The following GSN variants were observed in gnomAD, a reference collection of about 807,000 sequenced individuals.
GSN encodes gelsolin, also known as actin-depolymerizing factor.
In GSN, 56 loss-of-function variants were observed where a neutral mutation model predicts 85.7. The observed-to-expected ratio is 0.65, with a 90% CI of 0.53 to 0.82. The LOEUF (loss-of-function observed/expected upper bound fraction) is 0.82. Ranked by LOEUF, GSN falls within the 40% of genes least tolerant of loss-of-function variation. The pLI is 0.00. For synonymous variants in GSN, 373 were observed against 399.1 expected (o/e 0.93, Z 0.78); for missense variants, 857 against 979.8 (o/e 0.87, Z 1.67).
At chr9:121,313,864 G>C (rs1425614529) in intron 6 of GSN, 70 bp from the exon 7 acceptor site, 3 of 1,214,174 alleles carry the variant, frequency 2.5e-6, no homozygotes, top group Non-Finnish European at 3.7e-6. Flanking sequence ...TTGCCTGCCT[G>C]GGAGCTATCT....
chr9:121,231,860 A>G (rs2054395586), intron 5 of GSN, among the ~76,000 whole-genome samples: 1 of 152,136 alleles, frequency 6.6e-6, no homozygotes, highest in Non-Finnish European at 1.5e-5. Flanking sequence ...CGGTCTCAGG[A>G]GTTTGAGACC....
chr9:121,283,152 A>G (rs1450370679), intron 2 of GSN: 1 of 166,778 alleles, frequency 6.0e-6, no homozygotes, highest in Admixed American at 6.6e-5. Context: ...CTTTTTAGTT[A>G]GGGCCCTGTT....
intron 4 of GSN, among the ~76,000 whole-genome samples, chr9:121,303,625 C>T (rs372449798): frequency 6.6e-6 from 1 of 152,056 alleles, no homozygotes; most frequent in Non-Finnish European, 1.5e-5. Flanking sequence ...GAGGCTGCAC[C>T]CTAATATGCT....
At chr9:121,255,738 G>A (rs779421147) in intron 6 of GSN, among the ~76,000 whole-genome samples, 4 of 152,026 alleles carry the variant, frequency 2.6e-5, no homozygotes, top group African/African-American at 4.8e-5. Context: ...TTCTTTTGGT[G>A]AACCTTTAGG....
intron 1 of GSN, among the ~76,000 whole-genome samples, chr9:121,276,186 G>A (rs925620118): frequency 6.6e-6 from 1 of 152,216 alleles, no homozygotes; most frequent in African/African-American, 2.4e-5. Flanking sequence ...TATTTATAAA[G>A]AGCCTGATTA....
intron 5 of GSN, among the ~76,000 whole-genome samples, chr9:121,232,128 T>A (rs915172398): frequency 6.6e-6 from 1 of 152,162 alleles, no homozygotes; most frequent in Non-Finnish European, 1.5e-5. Context: ...GAGGAAGTGA[T>A]GGGAGAGACC....
intron 5 of GSN, among the ~76,000 whole-genome samples, chr9:121,241,394 C>T (rs546019322): frequency 6.6e-6 from 1 of 152,284 alleles, no homozygotes; most frequent in African/African-American, 2.4e-5. Context: ...GTCTAAAACT[C>T]ATAGGAAGAG....
At chr9:121,311,208 C>T (rs576067100) in intron 5 of GSN, 18 of 340,396 alleles carry the variant, frequency 5.3e-5, no homozygotes, top group African/African-American at 2.3e-4. Flanking sequence ...CATGTATACT[C>T]GGGTATGTTG....
At chr9:121,312,510 G>A (rs2061274685) in intron 6 of GSN, 22 bp downstream of exon 6, 2 of 1,594,960 alleles carry the variant, frequency 1.3e-6, no homozygotes, top group Non-Finnish European at 1.7e-6. Flanking sequence ...GTGCGCAATG[G>A]GGTGGCCATG....
intron 7 of GSN, 100 bp from the exon 8 acceptor site, chr9:121,316,986 A>G (rs1003850547): frequency 6.8e-7 from 1 of 1,470,096 alleles, no homozygotes; most frequent in Non-Finnish European, 9.5e-7. Context: ...GTTACTCTAC[A>G]GGGCCATTTG....
intron 2 of GSN, chr9:121,300,098 C>T (rs1471653768): frequency 6.2e-7 from 1 of 1,611,352 alleles, no homozygotes; most frequent in Non-Finnish European, 8.5e-7. Flanking sequence ...TAATTCAGGT[C>T]TAGAATGGAA....
In GSN at chr9:121,312,743, T is replaced by G. The variant is rs2061316355; in HGVS notation, c.663+255T>G. 1.0e-5 allele frequency: 3 copies of G among 292,324 alleles called. No homozygotes were observed. In the South Asian group the frequency reaches 1.8e-4, roughly 17 times the overall value. 18.1% of individuals were successfully genotyped at this position (292,324 alleles called of 1,614,324 possible). ...CCTGGGCTCAAGTGATCCTCCTGCCTCAGCCTCCCGAGTAGCTGGGACCAC... is the reference window on the plus strand; with the variant it reads ...CCTGGGCTCAAGTGATCCTCCTGCCGCAGCCTCCCGAGTAGCTGGGACCAC... On this transcript the variant is annotated intron_variant, in intron 6 of 17. Coordinates refer to ENST00000432226, the MANE Select transcript of GSN (RefSeq NM_198252.3).
At position 121,299,744 on chromosome 9, in the gene GSN, C is replaced by G. The variant is rs557220990; in HGVS notation, c.-9-2219C>G. 3.6e-6 allele frequency: 4 copies of G among 1,114,662 alleles called. No individual in the cohort carries two copies. Among genetic ancestry groups the G allele is most frequent in the African/African-American group, 1.7e-5 (1 of 60,140 alleles). 69.0% of individuals were successfully genotyped at this position (1,114,662 alleles called of 1,614,324 possible). A position where few individuals can be genotyped will look rare whatever the true frequency, so the allele number is the denominator to read the frequency against. ...GTCTCCAAGATCCGAGACAGATCCC[C>G]GCCCCGCGCCCTCCCTGGGGGGCGG... is the stretch of plus-strand genomic sequence containing the variant. On this transcript the variant is annotated intron_variant, in intron 2 of 17. Transcript: ENST00000432226. This position sits in a 1 kb window ranked among gnomAD's most constrained non-coding sequence, Gnocchi z 4.2.
At chr9:121,257,827 C>T (rs762943421) in intron 6 of GSN, among the ~76,000 whole-genome samples, 3 of 152,000 alleles carry the variant, frequency 2.0e-5, no homozygotes, top group Admixed American at 1.3e-4. Flanking sequence ...GCCAAGATTG[C>T]GTCACTGCAC....
At chr9:121,322,866 T>C (rs979489830) in intron 11 of GSN, among the ~76,000 whole-genome samples, 4 of 151,176 alleles carry the variant, frequency 2.6e-5, no homozygotes, top group South Asian at 2.1e-4. Flanking sequence ...GGTCTTGCTC[T>C]GTTGGCCAGG....
At chr9:121,274,594 A>C (rs1355370439) in intron 1 of GSN, among the ~76,000 whole-genome samples, 1 of 152,226 alleles carries the variant, frequency 6.6e-6, no homozygotes, top group Non-Finnish European at 1.5e-5. Flanking sequence ...GGACCACTGC[A>C]ACAGGGTCCT....
chr9:121,285,785 C>T (rs1313109497), intron 2 of GSN, among the ~76,000 whole-genome samples: 1 of 152,144 alleles, frequency 6.6e-6, no homozygotes, highest in Non-Finnish European at 1.5e-5. Context: ...GAAACTGGGG[C>T]CCAGAGAATG....
At position 121,332,686 on chromosome 9, in the gene GSN, C is replaced by A; in HGVS notation, c.*83C>A. 2.9e-6 allele frequency: 3 copies of A among 1,047,188 alleles called. No individual in the cohort carries two copies. Among genetic ancestry groups the A allele is most frequent in the Admixed American group, 2.0e-5 (1 of 50,090 alleles). The allele number at this position is 1,047,188 out of a possible 1,614,324, so 64.9% of individuals were successfully genotyped here. A position where few individuals can be genotyped will look rare whatever the true frequency, so the allele number is the denominator to read the frequency against. ...CAAAGAGGCCTTAGAGCGAGCAGAGCAGCTCTGCTATGAGTGTGTGTGTGT... is the reference window on the plus strand; with the variant it reads ...CAAAGAGGCCTTAGAGCGAGCAGAGAAGCTCTGCTATGAGTGTGTGTGTGT... On this transcript the variant is annotated 3_prime_UTR_variant, in exon 18 of 18. Transcript: ENST00000432226. This position sits in a 1 kb window ranked among gnomAD's most constrained non-coding sequence, Gnocchi z 4.8.
In GSN at chr9:121,312,142, G is replaced by A. The variant is rs2039144; in HGVS notation, c.514-197G>A. 469,227 of 571,470 alleles carry A rather than the reference G, an allele frequency of 0.82. 193,665 individuals carry two copies. Among genetic ancestry groups the A allele is most frequent in the East Asian group, 0.99 (33,474 of 33,778 alleles). The allele number at this position is 571,470 out of a possible 1,614,324, so 35.4% of individuals were successfully genotyped here. A position where few individuals can be genotyped will look rare whatever the true frequency, so the allele number is the denominator to read the frequency against. On this transcript the variant is annotated intron_variant, in intron 5 of 17. Transcript: ENST00000432226. ...AAAAAATTCCTGTCCTCAGACATGC[G>A]CTCCCATCTCCTGGTGTGTGCAGAT...
Sources: gnomAD v4.1 joint callset for allele counts (sites outside exome capture counted in the v4.1 genomes callset) on GRCh38, gnomAD v4.1.1 for gene constraint, Gnocchi (gnomAD v3.1) non-coding constraint, MANE v1.5 for transcripts, NCBI Gene and HGNC (gene_info 2026-07-23, HGNC 2026-07-21) for gene names.